MYH9: variants seen among roughly 807,000 people sequenced by gnomAD.
MYH9 encodes the protein myosin heavy chain 9, also known as myosin-9.
Under a neutral mutation model 241.9 loss-of-function variants are expected in MYH9, and 29 were observed. The observed-to-expected ratio is 0.12, with a 90% confidence interval of 0.09 to 0.16. MYH9 has a LOEUF of 0.16. Among genes scored for constraint, MYH9 ranks in the 10% least tolerant of loss-of-function variants. The pLI is 1.00. For missense variants in MYH9, 1,803 were observed against 2,595.5 expected, an observed-to-expected ratio of 0.69 and a Z score of 6.63; for synonymous variants, 1,047 against 1,062.6, an observed-to-expected ratio of 0.99 and a Z score of 0.29.
In MYH9 at chr22:36,387,279, C is replaced by G. The variant is rs996382099; in HGVS notation, c.-20+528G>C. On this transcript the variant is annotated intron_variant, in intron 1 of 40. Transcript: ENST00000216181. ...GCAGCGGGACGGTCCGACTCTGACT[C>G]AGGAGGACGCCCTGACAGCTGCCAA... 3.8e-4 allele frequency among the ~76,000 whole-genome samples: 58 copies of G among 152,364 alleles called. 1 individual carries two copies. The highest frequency in any genetic ancestry group is 1.3e-3 in the African/African-American group (55 of 41,590).
chr22:36,285,919 G>A lies in MYH9; in HGVS notation c.5096C>T (p.Ala1699Val). 6.2e-7 allele frequency: 1 copy of A among 1,612,494 alleles called. No homozygotes were observed. The highest frequency in any genetic ancestry group is 8.5e-7 in the Non-Finnish European group (1 of 1,179,978). The change falls in exon 36 of 41, where the codon GCC becomes GTC. Residue 1699 changes from alanine to valine, a missense_variant. This residue lies in a region of MYH9 where 876 missense variants were observed against 1,077.8 expected (regional missense o/e 0.81). Coordinates refer to ENST00000216181, the MANE Select transcript of MYH9 (RefSeq NM_002473.6). This position sits in a 1 kb window ranked among gnomAD's most constrained non-coding sequence, Gnocchi z 7.0. ...LAAAERAKRQ[A>V]QQERDELADE... is the part of the protein sequence containing the mutation. The stretch of plus-strand genomic sequence containing the variant: ...AGCCAGCTCATCCCGCTCCTGCTGG[G>A]CCTGGCGCTTGGCACGCTCCGCGGC...
intron 11 of MYH9, among the ~76,000 whole-genome samples, chr22:36,317,109 C>T (rs1298430375): frequency 2.0e-5 from 3 of 152,100 alleles, no homozygotes; most frequent in African/African-American, 7.2e-5. Context: ...CGCGCCCGAT[C>T]TCATCAAAAT....
intron 1 of MYH9, among the ~76,000 whole-genome samples, chr22:36,383,075 G>C (rs1243399437): frequency 6.6e-6 from 1 of 151,954 alleles, no homozygotes; most frequent in Non-Finnish European, 1.5e-5. Flanking sequence ...ACAAAAATTA[G>C]CCAGGTGTAG....
rs1408096789 is a variant in MYH9, at chr22:36,316,550, C to G, written c.1347G>C (p.Gly449=). 1 of 1,614,090 alleles carries G rather than the reference C, an allele frequency of 6.2e-7. No individual in the cohort carries two copies. The highest frequency in any genetic ancestry group is 8.5e-7 in the Non-Finnish European group (1 of 1,180,018). The change falls in exon 12 of 41, where the codon GGG becomes GGC. Residue 449 remains glycine (G), a synonymous_variant. Coordinates refer to ENST00000216181, the MANE Select transcript of MYH9 (RefSeq NM_002473.6). ...TCTCGAAGCCGGCAATGTCCAGGAT[C>G]CCGATGAAGGAGGCGCCCTGCCTCT... ...KTKRQGASFI[G]ILDIAGFEIF...
chr22:36,294,207 C>G lies in MYH9; in HGVS notation c.3722G>C (p.Gly1241Ala), dbSNP rs2016753629. ...NEVKVLLQGK[G>A]DSEHKRKKVE... is the part of the protein sequence containing the mutation. ...TTTCTTGCGCTTGTGCTCCGAGTCC[C>G]CTTTGCCCTGCAGCAGCACCTTCAC... The change falls in exon 28 of 41, where the codon GGG (glycine) becomes GCG (alanine). Residue 1241 changes from glycine to alanine, a missense_variant. Around this residue, in one of 11 missense-constraint regions of MYH9, gnomAD observed 876 missense variants for 1,077.8 expected, o/e 0.81. Transcript: ENST00000216181. 6.2e-7 allele frequency: 1 copy of G among 1,614,104 alleles called. No individual in the cohort carries two copies.
At chr22:36,344,385 C>T (rs549530117) in intron 2 of MYH9, among the ~76,000 whole-genome samples, 16 of 152,250 alleles carry the variant, frequency 1.1e-4, no homozygotes, top group African/African-American at 3.4e-4. Context: ...ACAGGCTGCA[C>T]GAAGGCTCCT....
intron 3 of MYH9, among the ~76,000 whole-genome samples, chr22:36,336,060 A>G (rs1198136891): frequency 1.3e-5 from 2 of 152,164 alleles, no homozygotes; most frequent in East Asian, 3.8e-4. Context: ...GGGAAGGGAG[A>G]CTGGCACAGA....
intron 2 of MYH9, among the ~76,000 whole-genome samples, chr22:36,346,745 T>C (rs1403263804): frequency 6.6e-6 from 1 of 152,118 alleles, no homozygotes; most frequent in South Asian, 2.1e-4. Flanking sequence ...GCTGGGACTA[T>C]AGGCACGCCA....
chr22:36,290,347 A>AG (rs1273019260), intron 31 of MYH9, among the ~76,000 whole-genome samples: 1 of 151,530 alleles, frequency 6.6e-6, no homozygotes, highest in East Asian at 1.9e-4. Flanking sequence ...CCAAAAAAAA[A>AG]AAAAAAAAAA....
intron 2 of MYH9, among the ~76,000 whole-genome samples, chr22:36,347,766 G>A (rs888266461): frequency 2.1e-5 from 3 of 142,736 alleles, no homozygotes; most frequent in Admixed American, 7.2e-5. Flanking sequence ...TCAGGAGTTC[G>A]AGACCAGACT....
chr22:36,305,127 T>C lies in MYH9; in HGVS notation c.2160-25A>G. 1 of 1,595,776 alleles carries C rather than the reference T, an allele frequency of 6.3e-7. No homozygotes were observed. Among genetic ancestry groups the C allele is most frequent in the Non-Finnish European group, 8.6e-7 (1 of 1,163,286 alleles). On this transcript the variant is annotated intron_variant, in intron 17 of 40. Transcript: ENST00000216181. The surrounding 1 kb of genome is among the most constrained non-coding windows in gnomAD (Gnocchi z 4.7). ...TCTGAGGAAGGAAAGAGAAGCCTGG[T>C]CATTTTACCCATTGCCTCGATTCCA... is the stretch of plus-strand genomic sequence containing the variant.
At chr22:36,318,972 C>T (rs1425948507) in intron 10 of MYH9, among the ~76,000 whole-genome samples, 1 of 152,090 alleles carries the variant, frequency 6.6e-6, no homozygotes, top group African/African-American at 2.4e-5. Flanking sequence ...CAATGTTGGC[C>T]AGGCTGGTCT....
At chr22:36,333,278 A>C (rs1292430610) in intron 3 of MYH9, among the ~76,000 whole-genome samples, 1 of 152,244 alleles carries the variant, frequency 6.6e-6, no homozygotes, top group Admixed American at 6.5e-5. Flanking sequence ...TTAACAGCGC[A>C]TGAACACGTT....
intron 1 of MYH9, among the ~76,000 whole-genome samples, chr22:36,353,000 GC>G (rs573483380): frequency 1.1e-3 from 166 of 152,228 alleles, no homozygotes; most frequent in Middle Eastern, 3.4e-3. Context: ...TTCTATGAAA[GC>G]CCCCTCGGCC....
chr22:36,375,326 G>A (rs1275017890), intron 1 of MYH9, among the ~76,000 whole-genome samples: 3 of 152,222 alleles, frequency 2.0e-5, no homozygotes, highest in East Asian at 3.8e-4. Flanking sequence ...CTTTCCACCT[G>A]CTCTCCCTTA....
At position 36,318,341 on chromosome 22, in the gene MYH9, G is replaced by C; in HGVS notation, c.1109-16C>G. On this transcript the variant is annotated splice_polypyrimidine_tract_variant and intron_variant, in intron 10 of 40. Transcript: ENST00000216181. ...TTTTGGGCAGCTAAGATTTTTCAGA[G>C]AATAAGAGAGGGACAAAAAGTCCTA... 1 of 1,590,132 alleles carries C rather than the reference G, an allele frequency of 6.3e-7. No homozygotes were observed. The highest frequency in any genetic ancestry group is 8.6e-7 in the Non-Finnish European group (1 of 1,158,260).
At position 36,299,010 on chromosome 22, in the gene MYH9, C is replaced by T. The variant is rs2016832812; in HGVS notation, c.3009G>A (p.Glu1003=). The T allele has an allele frequency of 6.2e-7, 1 of 1,614,138 alleles. No individual in the cohort carries two copies. The highest frequency in any genetic ancestry group is 8.5e-7 in the Non-Finnish European group (1 of 1,180,010). ...EKKLLEDRIA[E]FTTNLTEEEE... ...CCTCTTCTGTGAGGTTGGTGGTGAACTCAGCTATTCTGTCTTCCAGCAGTT... is the reference window on the plus strand; with the variant it reads ...CCTCTTCTGTGAGGTTGGTGGTGAATTCAGCTATTCTGTCTTCCAGCAGTT... Residue 1003 remains glutamate, a synonymous_variant, in exon 24 of 41, where the codon GAG becomes GAA. Coordinates refer to ENST00000216181, the MANE Select transcript of MYH9 (RefSeq NM_002473.6).
chr22:36,362,304 C>T (rs1209441634), intron 1 of MYH9, among the ~76,000 whole-genome samples: 2 of 152,160 alleles, frequency 1.3e-5, no homozygotes, highest in African/African-American at 4.8e-5. Flanking sequence ...GAGGAGAGTC[C>T]TGGAATCACC....
intron 1 of MYH9, among the ~76,000 whole-genome samples, chr22:36,375,773 G>A (rs900704641): frequency 3.3e-5 from 5 of 152,038 alleles, no homozygotes; most frequent in African/African-American, 1.2e-4. Context: ...CTATAATCCC[G>A]GCACATTGAG....
Sources: allele counts gnomAD v4.1 joint callset (sites outside exome capture counted in the v4.1 genomes callset), GRCh38; gene constraint gnomAD v4.1.1; regional missense constraint gnomAD v4.1.1; non-coding constraint Gnocchi (gnomAD v3.1); transcripts MANE v1.5; gene names NCBI Gene and HGNC (gene_info 2026-07-23, HGNC 2026-07-21).